The following CENPP variants were observed in gnomAD, a reference collection of about 807,000 sequenced individuals.
The protein encoded by CENPP is centromere protein P.
In CENPP, 24 loss-of-function variants were observed where a neutral mutation model predicts 35.6. The observed-to-expected ratio is 0.67, with a 90% CI of 0.49 to 0.95. The LOEUF (loss-of-function observed/expected upper bound fraction) is 0.95, where lower values mean the gene tolerates loss of function less well. Ranked by LOEUF, CENPP falls within the 40% of genes least tolerant of loss-of-function variation. The pLI is 0.00. For synonymous variants in CENPP, 120 were observed against 125.5 expected (o/e 0.96, Z 0.29); for missense variants, 332 against 345.3 (o/e 0.96, Z 0.31).
intron 5 of CENPP, among the ~76,000 whole-genome samples, chr9:92,383,488 G>A (rs753263935): frequency 2.0e-5 from 3 of 151,972 alleles, no homozygotes; most frequent in Non-Finnish European, 4.4e-5. Context: ...TTAGTAAAAA[G>A]TAAATCATTT....
chr9:92,500,732 C>CTTG, intron 5 of CENPP: 1 of 1,608,066 alleles, frequency 6.2e-7, no homozygotes, highest in East Asian at 2.2e-5. Context: ...TTTACCGTAT[C>CTTG]TTGTTGTTGT....
intron 5 of CENPP, among the ~76,000 whole-genome samples, chr9:92,482,662 G>A (rs538281678): frequency 1.2e-4 from 19 of 152,326 alleles, no homozygotes; most frequent in Non-Finnish European, 2.6e-4. Flanking sequence ...GCCATTGAAA[G>A]TGCAGTCGGA....
Position 92,379,780 on chromosome 9 carries a change from A to T in CENPP, c.485A>T (p.Asp162Val), listed in dbSNP as rs1467481210. The T allele has an allele frequency of 2.5e-6, 4 of 1,611,132 alleles. No individual in the cohort carries two copies. The highest frequency in any genetic ancestry group is 1.3e-5 in the African/African-American group (1 of 74,874). Reference protein sequence around the residue: ...EFVSRAEERKDLFMFFRSLHF... With the variant: ...EFVSRAEERKVLFMFFRSLHF... The stretch of plus-strand genomic sequence containing the variant: ...TCCTACAGAGCAGAAGAGAGAAAAG[A>T]TCTGTTCATGTTTTTCCGAAGCCTG... The change falls in exon 5 of 8, where the codon GAT becomes GTT. Residue 162 changes from aspartate to valine, a missense_variant. Transcript: ENST00000375587.
chr9:92,615,712 C>T lies in CENPP; in HGVS notation c.*2563C>T. 2.7e-6 allele frequency: 2 copies of T among 745,358 alleles called. No individual in the cohort carries two copies. The allele number at this position is 745,358 out of a possible 1,614,324, so 46.2% of individuals were successfully genotyped here. A position where few individuals can be genotyped will look rare whatever the true frequency, so the allele number is the denominator to read the frequency against. On this transcript the variant is annotated 3_prime_UTR_variant, in exon 8 of 8. Coordinates refer to ENST00000375587, the MANE Select transcript of CENPP (RefSeq NM_001012267.3). Reference sequence around the variant, plus strand: ...CCATGTCTCCAAGAGGCAATCCCACCTCAAAAGGGGTTAAAAGCAAAAACA... The same window carrying T: ...CCATGTCTCCAAGAGGCAATCCCACTTCAAAAGGGGTTAAAAGCAAAAACA...
In CENPP at chr9:92,514,778, G is replaced by T. The variant is rs764812951; in HGVS notation, c.565-96536G>T. ...CTGGGAGGAGCAGGAAGCGGGGATC[G>T]AGAGGGCATTCGGAACATATCTCCT... is the stretch of plus-strand genomic sequence containing the variant. On this transcript the variant is annotated intron_variant, in intron 5 of 7. Transcript: ENST00000375587. The T allele has an allele frequency of 4.3e-6, 7 of 1,614,008 alleles. No homozygotes were observed. In the South Asian group the frequency reaches 7.7e-5, roughly 18 times the overall value.
intron 4 of CENPP, among the ~76,000 whole-genome samples, chr9:92,361,657 T>A (rs1052185592): frequency 6.6e-6 from 1 of 151,024 alleles, no homozygotes; most frequent in East Asian, 2.0e-4. Flanking sequence ...TTTTTTTGTA[T>A]TTTTAGTAGA....
chr9:92,418,694 T>C (rs1243962410), intron 5 of CENPP, among the ~76,000 whole-genome samples: 5 of 152,210 alleles, frequency 3.3e-5, no homozygotes, highest in Admixed American at 6.5e-5. Flanking sequence ...GATACCTTTT[T>C]CTGCCCTTCA....
At position 92,358,325 on chromosome 9, in the gene CENPP, C is replaced by T. The variant is rs2130827863; in HGVS notation, c.467+12538C>T. 2.0e-5 allele frequency among the ~76,000 whole-genome samples: 3 copies of T among 152,202 alleles called. No individual in the cohort carries two copies. The South Asian group carries it at 6.2e-4, about 32-fold the overall frequency. ...TGGCGCAATCTCAGCTCACTGCAAC[C>T]TCCACCTCATAGGTTCAAGCAATTC... On this transcript the variant is annotated intron_variant, in intron 4 of 7. Coordinates refer to ENST00000375587, the MANE Select transcript of CENPP (RefSeq NM_001012267.3).
upstream of CENPP, chr9:92,325,889 G>T: frequency 1.2e-6 from 1 of 868,964 alleles, no homozygotes; most frequent in Non-Finnish European, 1.8e-6. Flanking sequence ...CTCCGCGTGA[G>T]CTCTGGGATG....
chr9:92,341,344 T>C (rs960159635), intron 3 of CENPP, among the ~76,000 whole-genome samples: 1 of 152,196 alleles, frequency 6.6e-6, no homozygotes, highest in Admixed American at 6.5e-5. Flanking sequence ...AAGTACTTGA[T>C]GTCTGTCACC....
intron 5 of CENPP, among the ~76,000 whole-genome samples, chr9:92,543,726 C>T (rs1440537047): frequency 3.3e-5 from 5 of 152,064 alleles, no homozygotes; most frequent in Non-Finnish European, 5.9e-5. Context: ...TTTCTTTCAT[C>T]AGCGATTTAT....
At position 92,618,930 on chromosome 9, in the gene CENPP, T is replaced by C; in HGVS notation, c.*5781T>C. On this transcript the variant is annotated 3_prime_UTR_variant, in exon 8 of 8. Transcript: ENST00000375587. ...GGTGATGGAGATGCTGTCTAACGAC[T>C]ATGAGATTATCAGTTTCATCCCGAA... 6.8e-6 allele frequency: 2 copies of C among 292,002 alleles called. No homozygotes were observed. Among genetic ancestry groups the C allele is most frequent in the South Asian group, 6.9e-5 (2 of 28,938 alleles). The allele number at this position is 292,002 out of a possible 1,614,324, so 18.1% of individuals were successfully genotyped here. A position where few individuals can be genotyped will look rare whatever the true frequency, so the allele number is the denominator to read the frequency against.
At chr9:92,498,117 G>C (rs1247231836) in intron 5 of CENPP, among the ~76,000 whole-genome samples, 1 of 152,068 alleles carries the variant, frequency 6.6e-6, no homozygotes, top group Non-Finnish European at 1.5e-5. Flanking sequence ...ATCAGAATTG[G>C]ACTAAGACAT....
At chr9:92,344,827 C>T (rs912908986) in intron 3 of CENPP, among the ~76,000 whole-genome samples, 3 of 150,490 alleles carry the variant, frequency 2.0e-5, no homozygotes, top group Non-Finnish European at 3.0e-5. Context: ...GGATTACAGG[C>T]GTGAGCCACC....
At chr9:92,391,276 G>A (rs748343482) in intron 5 of CENPP, among the ~76,000 whole-genome samples, 75 of 151,736 alleles carry the variant, frequency 4.9e-4, no homozygotes, top group Middle Eastern at 3.4e-3. Context: ...GCGTGGTGGC[G>A]AGCACTTGTA....
At chr9:92,466,113 G>A (rs1235683915) in intron 5 of CENPP, among the ~76,000 whole-genome samples, 1 of 152,120 alleles carries the variant, frequency 6.6e-6, no homozygotes, top group Non-Finnish European at 1.5e-5. Flanking sequence ...GATTACAAGC[G>A]TGAGCCACCA....
intron 5 of CENPP, among the ~76,000 whole-genome samples, chr9:92,570,281 G>A (rs1240844848): frequency 6.6e-6 from 1 of 152,074 alleles, no homozygotes; most frequent in Non-Finnish European, 1.5e-5. Flanking sequence ...AGAGTTTTTG[G>A]CATGAAGGGC....
At chr9:92,346,391 A>G (rs966775031) in intron 4 of CENPP, among the ~76,000 whole-genome samples, 2 of 152,148 alleles carry the variant, frequency 1.3e-5, no homozygotes, top group African/African-American at 4.8e-5. Flanking sequence ...CAAAGAGGGA[A>G]TAACTTTGCT....
chr9:92,537,868 A>G (rs532024706), intron 5 of CENPP, among the ~76,000 whole-genome samples: 1 of 152,330 alleles, frequency 6.6e-6, no homozygotes, highest in East Asian at 1.9e-4. Flanking sequence ...CTTTGGGGGT[A>G]GAAAAATTAC....
Sources: gnomAD v4.1 joint callset for allele counts (sites outside exome capture counted in the v4.1 genomes callset) on GRCh38, gnomAD v4.1.1 for gene constraint, MANE v1.5 for transcripts, NCBI Gene and HGNC (gene_info 2026-07-23, HGNC 2026-07-21) for gene names.